The following UGGT2 variants were observed in gnomAD, a reference collection of about 807,000 sequenced individuals.
UGGT2 encodes the protein UDP-glucose glycoprotein glucosyltransferase 2.
A neutral mutation model predicts 192.1 loss-of-function variants in UGGT2; 180 were observed. The observed-to-expected ratio is 0.94, with a 90% confidence interval of 0.83 to 1.06. UGGT2 has a LOEUF of 1.06. UGGT2 is among the 50% of genes least tolerant of loss of function. The pLI is 0.00. For missense variants in UGGT2, 1,849 were observed against 1,795.7 expected (o/e 1.03, Z -0.54); for synonymous variants, 580 against 591.0 (o/e 0.98, Z 0.27).
chr13:95,866,269 A>G (rs544679127), intron 30 of UGGT2, among the ~76,000 whole-genome samples: 27 of 151,968 alleles, frequency 1.8e-4, no homozygotes, highest in South Asian at 6.2e-4. Flanking sequence ...TTATTTTTAA[A>G]CTCATCTTTA....
chr13:96,023,159 T>G lies in UGGT2; in HGVS notation c.373-7A>C, dbSNP rs1368929437. 2.6e-6 allele frequency: 4 copies of G among 1,564,174 alleles called. No homozygotes were observed. In the African/African-American group the frequency reaches 5.4e-5, roughly 21 times the overall value. Reference sequence around the variant, plus strand: ...GTGGCTCATCAGCTGCAATCTAAGATTTCAAAGATTATATTTAGCTACAGC... The same window carrying G: ...GTGGCTCATCAGCTGCAATCTAAGAGTTCAAAGATTATATTTAGCTACAGC... On this transcript the variant is annotated splice_region_variant and splice_polypyrimidine_tract_variant and intron_variant, in intron 3 of 38. Coordinates refer to ENST00000376747, the MANE Select transcript of UGGT2 (RefSeq NM_020121.4).
chr13:96,046,502 C>G (rs2053313505), intron 1 of UGGT2, among the ~76,000 whole-genome samples: 1 of 152,096 alleles, frequency 6.6e-6, no homozygotes, highest in Non-Finnish European at 1.5e-5. Context: ...TCCAAGATGG[C>G]TGAATAGGAA....
chr13:96,015,712 A>G (rs1566827236), intron 4 of UGGT2, among the ~76,000 whole-genome samples: 1 of 152,224 alleles, frequency 6.6e-6, no homozygotes. Flanking sequence ...ACAATTTTGT[A>G]GTATACACTT....
At chr13:95,955,155 A>T (rs1333906840) in intron 12 of UGGT2, among the ~76,000 whole-genome samples, 1 of 152,226 alleles carries the variant, frequency 6.6e-6, no homozygotes. Context: ...GTATTTGTAG[A>T]TTCAACAAAT....
chr13:95,928,598 G>A (rs2140451939), intron 17 of UGGT2, among the ~76,000 whole-genome samples: 1 of 151,940 alleles, frequency 6.6e-6, no homozygotes, highest in Non-Finnish European at 1.5e-5. Context: ...GCCCAGACGG[G>A]GCGGCGGGGC....
chr13:95,803,885 A>T (rs556260100), intron 38 of UGGT2, among the ~76,000 whole-genome samples: 6 of 152,200 alleles, frequency 3.9e-5, no homozygotes, highest in African/African-American at 1.4e-4. Context: ...AAGGGCCAAG[A>T]TGAATACATA....
chr13:96,045,527 G>A (rs905373944), intron 1 of UGGT2, among the ~76,000 whole-genome samples: 2 of 152,234 alleles, frequency 1.3e-5, no homozygotes, highest in East Asian at 1.9e-4. Flanking sequence ...ATCCAAATCA[G>A]TAAAGAGGAA....
At chr13:96,028,068 G>A (rs2052721041) in intron 2 of UGGT2, among the ~76,000 whole-genome samples, 1 of 152,096 alleles carries the variant, frequency 6.6e-6, no homozygotes, top group African/African-American at 2.4e-5. Context: ...CTGCCACTGG[G>A]CACTATTTTA....
intron 20 of UGGT2, among the ~76,000 whole-genome samples, chr13:95,905,672 C>T (rs1290150485): frequency 6.6e-6 from 1 of 152,058 alleles, no homozygotes; most frequent in African/African-American, 2.4e-5. Flanking sequence ...GTTTTGGTAC[C>T]AGTACCATGC....
Position 95,990,027 on chromosome 13 carries a change from AT to A in UGGT2, c.876del (p.Lys292AsnfsTer3). The part of the protein sequence containing the change: ...DLRDNLTAFQ[K>X]YLIESNKQMM... ...ATTTGTTTGTTACTCTCAATCAGGT[AT>A]TTTTGGAATGCTGTCAGATTATCTC... On this transcript the variant is annotated frameshift_variant, in exon 8 of 39. Coordinates refer to ENST00000376747, the MANE Select transcript of UGGT2 (RefSeq NM_020121.4). LOFTEE classifies it high-confidence loss of function. The A allele has an allele frequency of 1.2e-6, 2 of 1,606,540 alleles. No individual in the cohort carries two copies. The highest frequency in any genetic ancestry group is 1.1e-5 in the South Asian group (1 of 90,018).
At chr13:95,996,596 T>C (rs1191542205) in intron 6 of UGGT2, among the ~76,000 whole-genome samples, 1 of 152,208 alleles carries the variant, frequency 6.6e-6, no homozygotes, top group Non-Finnish European at 1.5e-5. Context: ...TATGCATGTG[T>C]ACAGGCTAAC....
intron 20 of UGGT2, among the ~76,000 whole-genome samples, chr13:95,908,376 T>C (rs1276727709): frequency 6.6e-6 from 1 of 152,112 alleles, no homozygotes; most frequent in Non-Finnish European, 1.5e-5. Flanking sequence ...AGGCCAATGT[T>C]CAAATTCAGG....
At chr13:95,920,060 C>A (rs994358799) in intron 20 of UGGT2, among the ~76,000 whole-genome samples, 3 of 152,234 alleles carry the variant, frequency 2.0e-5, no homozygotes, top group South Asian at 4.2e-4. Context: ...CACCTACAAC[C>A]ATCTGATCTT....
intron 38 of UGGT2, among the ~76,000 whole-genome samples, chr13:95,825,651 G>T (rs1457377293): frequency 2.0e-5 from 3 of 152,166 alleles, no homozygotes; most frequent in South Asian, 4.1e-4. Context: ...TGTGGGAGAA[G>T]CCCCAGCTGT....
At chr13:95,925,496 A>G (rs2048989402) in intron 20 of UGGT2, among the ~76,000 whole-genome samples, 184 bp downstream of exon 20, 1 of 152,144 alleles carries the variant, frequency 6.6e-6, no homozygotes, top group African/African-American at 2.4e-5. Flanking sequence ...GTCATAGAAA[A>G]CAGGTAGGTT....
chr13:95,999,678 T>C (rs2051736609), intron 5 of UGGT2, among the ~76,000 whole-genome samples: 1 of 152,138 alleles, frequency 6.6e-6, no homozygotes, highest in Non-Finnish European at 1.5e-5. Flanking sequence ...CCCCAAAAGA[T>C]TTGCTAAACC....
chr13:95,830,535 T>G (rs1359917686), intron 38 of UGGT2, among the ~76,000 whole-genome samples: 1 of 152,186 alleles, frequency 6.6e-6, no homozygotes, highest in Non-Finnish European at 1.5e-5. Flanking sequence ...AAGATGCTCA[T>G]CATCACTGGT....
chr13:95,850,143 T>C (rs575357375), intron 36 of UGGT2, among the ~76,000 whole-genome samples: 70 of 152,278 alleles, frequency 4.6e-4, no homozygotes, highest in Non-Finnish European at 5.4e-4. Context: ...AAGTTCTTAG[T>C]GCTATAAATT....
At chr13:95,816,715 T>C (rs1234392606) in intron 38 of UGGT2, among the ~76,000 whole-genome samples, 2 of 152,000 alleles carry the variant, frequency 1.3e-5, no homozygotes, top group African/African-American at 2.4e-5. Context: ...ATTGTAAGAG[T>C]TGGGTGTGGA....
Sources: gnomAD v4.1 joint callset for allele counts (sites outside exome capture counted in the v4.1 genomes callset) on GRCh38, gnomAD v4.1.1 for gene constraint, MANE v1.5 for transcripts, NCBI Gene and HGNC (gene_info 2026-07-23, HGNC 2026-07-21) for gene names.